Variants in MAL2 observed in about 807,000 individuals in gnomAD.
MAL2 encodes mal, T cell differentiation protein 2.
Under a neutral mutation model 18.1 loss-of-function variants are expected in MAL2, and 17 were observed. The observed-to-expected ratio is 0.94, with a 90% CI of 0.64 to 1.41. The LOEUF (loss-of-function observed/expected upper bound fraction) is 1.41, where lower values mean the gene tolerates loss of function less well. Among genes scored for constraint, MAL2 ranks in the 40% most tolerant of loss-of-function variants. MAL2 has a pLI of 0.00. For missense variants in MAL2, 222 were observed against 231.9 expected (o/e 0.96, Z 0.28); for synonymous variants, 102 against 102.3 (o/e 1.00, Z 0.02).
intron 2 of MAL2, among the ~76,000 whole-genome samples, chr8:119,232,320 A>G (rs932196956): frequency 6.6e-6 from 1 of 152,162 alleles, no homozygotes; most frequent in East Asian, 1.9e-4. Flanking sequence ...GTCTGGCTTC[A>G]AACAGTCAAC....
chr8:119,234,203 C>G (rs1341577727), intron 2 of MAL2, among the ~76,000 whole-genome samples: 3 of 152,162 alleles, frequency 2.0e-5, no homozygotes, highest in Admixed American at 6.5e-5. Context: ...GTGACGGACG[C>G]ACCGGGAAAA....
chr8:119,221,754 C>T lies in MAL2; in HGVS notation c.300C>T (p.Phe100=). The change falls in exon 2 of 4, where the codon TTC becomes TTT. Residue 100 remains phenylalanine (F), a synonymous_variant. Transcript: ENST00000614891. ...MVAQIDANWN[F]LDFAYHFTVF... The stretch of plus-strand genomic sequence containing the variant: ...CTCAAATTGATGCTAACTGGAACTT[C>T]CTGGTAAGGACTTTTTATTTTAAGT... 6.2e-7 allele frequency: 1 copy of T among 1,613,552 alleles called. No individual in the cohort carries two copies. Among genetic ancestry groups the T allele is most frequent in the Non-Finnish European group, 8.5e-7 (1 of 1,179,710 alleles).
intron 2 of MAL2, among the ~76,000 whole-genome samples, chr8:119,234,057 C>G (rs1037338900): frequency 6.6e-6 from 1 of 152,196 alleles, no homozygotes. Flanking sequence ...CCGGGTTCAT[C>G]TCACTAGGGA....
chr8:119,228,098 T>C (rs941781418), intron 2 of MAL2, among the ~76,000 whole-genome samples: 14 of 152,142 alleles, frequency 9.2e-5, no homozygotes, highest in African/African-American at 3.4e-4. Flanking sequence ...TTATGGCACA[T>C]ACACGAGGGC....
In MAL2 at chr8:119,244,319, TCAGG is replaced by T. The variant is rs1266335678; in HGVS notation, c.*835_*838del. On this transcript the variant is annotated 3_prime_UTR_variant, in exon 4 of 4. Transcript: ENST00000614891. ...CCTTTGGAGGAATGTATAAAATTTC[TCAGG>T]CAGAGTCCTGGATATAGGAAAAAGT... 1 of 152,192 alleles carries T rather than the reference TCAGG, an allele frequency of 6.6e-6. No homozygotes were observed. The highest frequency in any genetic ancestry group is 6.5e-5 in the Admixed American group (1 of 15,270). 9.4% of individuals were successfully genotyped at this position (152,192 alleles called of 1,614,324 possible).
At chr8:119,216,843 G>T (rs566660831) in intron 1 of MAL2, among the ~76,000 whole-genome samples, 1 of 152,088 alleles carries the variant, frequency 6.6e-6, no homozygotes, top group Non-Finnish European at 1.5e-5. Flanking sequence ...GAAATTAGCC[G>T]GTTTACTTTG....
At chr8:119,232,193 A>T (rs1040588812) in intron 2 of MAL2, among the ~76,000 whole-genome samples, 15 of 152,054 alleles carry the variant, frequency 9.9e-5, no homozygotes, top group African/African-American at 3.6e-4. Flanking sequence ...ATTTAAAAAC[A>T]TGTACACGAT....
chr8:119,224,641 C>A (rs1212635573), intron 2 of MAL2, among the ~76,000 whole-genome samples: 1 of 151,890 alleles, frequency 6.6e-6, no homozygotes. Flanking sequence ...GTAACAGCCC[C>A]CCGAGTAGTA....
intron 2 of MAL2, among the ~76,000 whole-genome samples, chr8:119,226,955 C>T (rs1817609587): frequency 6.6e-6 from 1 of 152,166 alleles, no homozygotes; most frequent in African/African-American, 2.4e-5. Context: ...CTTCTTAACA[C>T]ACATCCCACA....
At chr8:119,223,355 ATTATTAACCTC>A (rs1817508537) in intron 2 of MAL2, 1 of 152,050 alleles carries the variant, frequency 6.6e-6, no homozygotes, top group African/African-American at 2.4e-5. Context: ...CTCGGGCACA[ATTATTAACCTC>A]TCTCGATTTT....
chr8:119,242,655 G>A (rs2129930846), intron 3 of MAL2, among the ~76,000 whole-genome samples: 1 of 152,240 alleles, frequency 6.6e-6, no homozygotes, highest in Admixed American at 6.5e-5. Flanking sequence ...CTGTGAAAAT[G>A]GTCTATAGGT....
chr8:119,219,952 T>G (rs937406121), intron 1 of MAL2, among the ~76,000 whole-genome samples: 6 of 152,164 alleles, frequency 3.9e-5, no homozygotes, highest in Non-Finnish European at 8.8e-5. Context: ...GGAATGACAT[T>G]CACGGCATGC....
At position 119,230,743 on chromosome 8, in the gene MAL2, TCTTA is replaced by T. The variant is rs1378500215; in HGVS notation, c.303+8989_303+8992del. The stretch of plus-strand genomic sequence containing the variant: ...CTCAGACAAATTTTCTCTTAATTTT[TCTTA>T]CTAAGATCTAGCATCATTTCATTTA... On this transcript the variant is annotated intron_variant, in intron 2 of 3. Coordinates refer to ENST00000614891, the MANE Select transcript of MAL2 (RefSeq NM_052886.3). 9.8e-5 allele frequency among the ~76,000 whole-genome samples: 15 copies of T among 152,298 alleles called. No homozygotes were observed. The South Asian group carries it at 1.2e-3, about 13-fold the overall frequency.
chr8:119,235,770 C>T (rs1817875551), intron 2 of MAL2, among the ~76,000 whole-genome samples: 1 of 146,702 alleles, frequency 6.8e-6, no homozygotes. Flanking sequence ...ACCAGGCCTG[C>T]CCTAAAAGAG....
At chr8:119,234,441 C>G (rs928917305) in intron 2 of MAL2, among the ~76,000 whole-genome samples, 1 of 152,252 alleles carries the variant, frequency 6.6e-6, no homozygotes, top group Admixed American at 6.5e-5. Flanking sequence ...GAAGCTCGAA[C>G]TGGGTGGAGC....
chr8:119,239,743 G>A (rs1299521831), intron 2 of MAL2, among the ~76,000 whole-genome samples: 4 of 149,186 alleles, frequency 2.7e-5, no homozygotes, highest in Non-Finnish European at 5.9e-5. Flanking sequence ...ACACAGGAAG[G>A]GGAACATCAC....
At chr8:119,240,758 A>T (rs937205766) in intron 3 of MAL2, among the ~76,000 whole-genome samples, 4 of 152,184 alleles carry the variant, frequency 2.6e-5, no homozygotes, top group Admixed American at 2.6e-4. Flanking sequence ...CTGGGTGTTG[A>T]GGATGGGGTG....
At position 119,221,684 on chromosome 8, in the gene MAL2, T is replaced by A. The variant is rs1817467121; in HGVS notation, c.230T>A (p.Phe77Tyr). The A allele has an allele frequency of 6.2e-7, 1 of 1,613,952 alleles. No homozygotes were observed. The highest frequency in any genetic ancestry group is 8.5e-7 in the Non-Finnish European group (1 of 1,179,842). Reference protein sequence around the residue: ...WVMFVSVTAFFFSLLFLGMFL... With the variant: ...WVMFVSVTAFYFSLLFLGMFL... ...ATGTTTGTGTCCGTGACAGCGTTTTTCTTTTCGCTCCTCTTTCTGGGCATG... is the reference window on the plus strand; with the variant it reads ...ATGTTTGTGTCCGTGACAGCGTTTTACTTTTCGCTCCTCTTTCTGGGCATG... Residue 77 changes from phenylalanine to tyrosine, a missense_variant, in exon 2 of 4, where the codon TTC (phenylalanine) becomes TAC (tyrosine). Coordinates refer to ENST00000614891, the MANE Select transcript of MAL2 (RefSeq NM_052886.3).
At chr8:119,232,581 A>G (rs1490955848) in intron 2 of MAL2, among the ~76,000 whole-genome samples, 2 of 152,192 alleles carry the variant, frequency 1.3e-5, no homozygotes, top group African/African-American at 2.4e-5. Context: ...GTGGAAGTAT[A>G]TATGTTAGTA....
Sources: allele counts gnomAD v4.1 joint callset (sites outside exome capture counted in the v4.1 genomes callset), GRCh38; gene constraint gnomAD v4.1.1; transcripts MANE v1.5; gene names NCBI Gene and HGNC (gene_info 2026-07-23, HGNC 2026-07-21).